The following ILKAP variants were observed in gnomAD, a reference collection of about 807,000 sequenced individuals.
ILKAP encodes ILK associated serine/threonine phosphatase.
A neutral mutation model predicts 49.1 loss-of-function variants in ILKAP; 11 were observed. That is an observed-to-expected ratio of 0.22 (90% CI 0.14 to 0.37). The LOEUF (loss-of-function observed/expected upper bound fraction) is 0.37, where lower values mean the gene tolerates loss of function less well. Ranked by LOEUF, ILKAP falls within the 10% of genes least tolerant of loss-of-function variation. The pLI is 1.00. For synonymous variants in ILKAP, 186 were observed against 192.8 expected (o/e 0.96, Z 0.29); for missense variants, 363 against 510.8 (o/e 0.71, Z 2.79).
At chr2:238,188,373 G>A (rs775463832) in intron 4 of ILKAP, 116 bp from the exon 5 acceptor site, 5 of 1,275,798 alleles carry the variant, frequency 3.9e-6, no homozygotes, top group Non-Finnish European at 5.3e-6. Flanking sequence ...TATCCTAATG[G>A]CGCAAACAAA....
intron 1 of ILKAP, among the ~76,000 whole-genome samples, chr2:238,196,746 A>G (rs1404433217): frequency 2.6e-5 from 4 of 152,254 alleles, no homozygotes; most frequent in Non-Finnish European, 5.9e-5. Context: ...TTAACAAAAA[A>G]TAACTATTTT....
intron 3 of ILKAP, among the ~76,000 whole-genome samples, chr2:238,191,925 GA>G (rs1286889437): frequency 1.4e-5 from 2 of 147,486 alleles, no homozygotes; most frequent in Non-Finnish European, 3.0e-5. Context: ...AAAAGAAAAA[GA>G]AAAAGGCCAG....
At position 238,170,511 on chromosome 2, in the gene ILKAP, C is replaced by A. The variant is rs370904240; in HGVS notation, c.*25G>T. The stretch of plus-strand genomic sequence containing the variant: ...ATGAACCTTTTAAGTCAATACCATG[C>A]GTGCTCCTGGCCGCGCGCCACCCCT... On this transcript the variant is annotated 3_prime_UTR_variant, in exon 12 of 12. Transcript: ENST00000254654. 8.9e-6 allele frequency: 14 copies of A among 1,574,396 alleles called. No individual in the cohort carries two copies. The highest frequency in any genetic ancestry group is 1.2e-5 in the Non-Finnish European group (14 of 1,154,558).
chr2:238,177,149 A>G (rs1291938773), intron 9 of ILKAP, among the ~76,000 whole-genome samples: 1 of 152,248 alleles, frequency 6.6e-6, no homozygotes, highest in East Asian at 1.9e-4. Flanking sequence ...GTAAGAAAGT[A>G]GAAAAAAATA....
At chr2:238,191,473 TAATACACA>T in intron 3 of ILKAP, among the ~76,000 whole-genome samples, 1 of 152,338 alleles carries the variant, frequency 6.6e-6, no homozygotes, top group East Asian at 1.9e-4. Context: ...CAGTATAACA[TAATACACA>T]TATGCACCCT....
intron 9 of ILKAP, among the ~76,000 whole-genome samples, chr2:238,180,967 G>A (rs1399144826): frequency 6.6e-6 from 1 of 152,240 alleles, no homozygotes; most frequent in South Asian, 2.1e-4. Flanking sequence ...AGTAGTTACG[G>A]TGGCAAAAAC....
intron 3 of ILKAP, among the ~76,000 whole-genome samples, chr2:238,193,075 C>G (rs1218629253): frequency 2.0e-5 from 3 of 152,164 alleles, no homozygotes; most frequent in Non-Finnish European, 4.4e-5. Flanking sequence ...GATTATATAT[C>G]CAAAAAATTA....
intron 3 of ILKAP, 81 bp from the exon 4 acceptor site, chr2:238,190,053 GCA>G (rs1694059083): frequency 1.4e-6 from 2 of 1,465,194 alleles, no homozygotes; most frequent in Non-Finnish European, 1.9e-6. Context: ...CTTCATCCTA[GCA>G]CTCAAAGACA....
intron 9 of ILKAP, among the ~76,000 whole-genome samples, chr2:238,177,626 A>T (rs1364100713): frequency 6.6e-6 from 1 of 152,194 alleles, no homozygotes; most frequent in African/African-American, 2.4e-5. Context: ...CCTCAGGTTC[A>T]TCCATTTTGT....
At chr2:238,171,776 T>C (rs1437400103) in intron 10 of ILKAP, among the ~76,000 whole-genome samples, 2 of 152,140 alleles carry the variant, frequency 1.3e-5, no homozygotes, top group Non-Finnish European at 2.9e-5. Context: ...ACTGCACAGC[T>C]TGGGGCTGCA....
intron 3 of ILKAP, among the ~76,000 whole-genome samples, chr2:238,193,167 T>A (rs1298378279): frequency 6.6e-6 from 1 of 152,270 alleles, no homozygotes; most frequent in Non-Finnish European, 1.5e-5. Context: ...GAGACAGCTA[T>A]GCTGTATCTT....
intron 3 of ILKAP, among the ~76,000 whole-genome samples, chr2:238,192,582 C>A (rs1026649653): frequency 3.3e-5 from 5 of 151,944 alleles, no homozygotes; most frequent in Non-Finnish European, 5.9e-5. Context: ...AGCCTGTAGT[C>A]CCAGCTACTT....
intron 2 of ILKAP, chr2:238,194,598 C>T (rs1574805525): frequency 1.6e-6 from 1 of 612,912 alleles, no homozygotes; most frequent in Admixed American, 3.0e-5. Flanking sequence ...GAAAACTGCT[C>T]CACATTTCCT....
intron 9 of ILKAP, among the ~76,000 whole-genome samples, chr2:238,176,556 C>G (rs1693466948): frequency 6.6e-6 from 1 of 152,252 alleles, no homozygotes; most frequent in African/African-American, 2.4e-5. Flanking sequence ...CTTTATTTCT[C>G]TTCTCTGTTT....
intron 3 of ILKAP, among the ~76,000 whole-genome samples, chr2:238,190,400 C>T (rs1574799841): frequency 6.6e-6 from 1 of 152,284 alleles, no homozygotes; most frequent in South Asian, 2.1e-4. Flanking sequence ...AGGTAAATGG[C>T]AGCCTTTAAG....
At chr2:238,202,417 G>C (rs764591220) in intron 1 of ILKAP, among the ~76,000 whole-genome samples, 1 of 152,016 alleles carries the variant, frequency 6.6e-6, no homozygotes, top group Non-Finnish European at 1.5e-5. Context: ...GTACCCTTCA[G>C]AAAGCAGCTC....
intron 9 of ILKAP, among the ~76,000 whole-genome samples, chr2:238,181,001 C>T (rs1486219979): frequency 6.6e-6 from 1 of 152,226 alleles, no homozygotes; most frequent in Non-Finnish European, 1.5e-5. Flanking sequence ...CTGCTTGAGG[C>T]CTGAAACCAG....
chr2:238,173,119 A>G (rs542004387), intron 10 of ILKAP, among the ~76,000 whole-genome samples: 1 of 152,300 alleles, frequency 6.6e-6, no homozygotes, highest in East Asian at 1.9e-4. Context: ...CCGGCCCTTC[A>G]GGATCTGCCC....
chr2:238,202,941 G>A (rs1224291286), intron 1 of ILKAP, among the ~76,000 whole-genome samples: 17 of 151,936 alleles, frequency 1.1e-4, no homozygotes, highest in Non-Finnish European at 1.9e-4. Context: ...GATGACAGAG[G>A]AGGCATCCTG....
Sources: allele counts gnomAD v4.1 joint callset (sites outside exome capture counted in the v4.1 genomes callset), GRCh38; gene constraint gnomAD v4.1.1; transcripts MANE v1.5; gene names NCBI Gene and HGNC (gene_info 2026-07-23, HGNC 2026-07-21).